Variants in SLC25A12 observed in about 807,000 individuals in gnomAD.
SLC25A12 encodes solute carrier family 25 member 12.
A neutral mutation model predicts 83.3 loss-of-function variants in SLC25A12; 32 were observed. The observed-to-expected ratio is 0.38, with a 90% CI of 0.29 to 0.52. SLC25A12 has a LOEUF of 0.52. Among genes scored for constraint, SLC25A12 ranks in the 20% least tolerant of loss-of-function variants. SLC25A12 has a pLI of 0.84. For synonymous variants in SLC25A12, 267 were observed against 291.1 expected, an observed-to-expected ratio of 0.92 and a Z score of 0.84; for missense variants, 611 against 835.6, an observed-to-expected ratio of 0.73 and a Z score of 3.31.
intron 17 of SLC25A12, among the ~76,000 whole-genome samples, chr2:171,785,912 G>T (rs534869943): frequency 1.3e-5 from 2 of 152,010 alleles, no homozygotes; most frequent in East Asian, 1.9e-4. Context: ...TGGGAGGTGT[G>T]AGCCACCACA....
intron 2 of SLC25A12, among the ~76,000 whole-genome samples, chr2:171,878,611 CA>C (rs1316641745): frequency 6.6e-6 from 1 of 152,118 alleles, no homozygotes; most frequent in African/African-American, 2.4e-5. Context: ...GTCTAACCAA[CA>C]TGTGGCTGTA....
intron 5 of SLC25A12, among the ~76,000 whole-genome samples, chr2:171,843,863 C>T (rs1684735898): frequency 6.8e-6 from 1 of 146,384 alleles, no homozygotes; most frequent in Non-Finnish European, 1.5e-5. Flanking sequence ...TGGTGTGATC[C>T]CAGCTCACTG....
At position 171,856,020 on chromosome 2, in the gene SLC25A12, C is replaced by A. The variant is rs1454118960; in HGVS notation, c.210-71G>T. ...GCATCAGGCATTTAATCTGCCTTTA[C>A]TATATAAACTGTAGCTCAGGGTAAC... On this transcript the variant is annotated intron_variant, in intron 3 of 17. Coordinates refer to ENST00000422440, the MANE Select transcript of SLC25A12 (RefSeq NM_003705.5). The A allele has an allele frequency of 4.7e-6, 4 of 856,952 alleles. No individual in the cohort carries two copies. In the East Asian group the frequency reaches 9.6e-5, roughly 21 times the overall value. The allele number at this position is 856,952 out of a possible 1,614,324, so 53.1% of individuals were successfully genotyped here.
At chr2:171,874,347 G>A (rs534474294) in intron 2 of SLC25A12, among the ~76,000 whole-genome samples, 84 of 152,296 alleles carry the variant, frequency 5.5e-4, no homozygotes, top group African/African-American at 1.9e-3. Flanking sequence ...AGCCGAGATT[G>A]CACCAATGCA....
At chr2:171,791,871 G>C (rs2176464) in intron 14 of SLC25A12, among the ~76,000 whole-genome samples, 1 of 152,106 alleles carries the variant, frequency 6.6e-6, no homozygotes, top group African/African-American at 2.4e-5. Context: ...TGAAAACTAA[G>C]AACTTTCTGG....
intron 2 of SLC25A12, among the ~76,000 whole-genome samples, chr2:171,889,746 T>C (rs976794748): frequency 6.6e-6 from 1 of 152,184 alleles, no homozygotes; most frequent in Admixed American, 6.5e-5. Context: ...CATTTCAATA[T>C]CCTACCAGTA....
intron 11 of SLC25A12, 105 bp from the exon 12 acceptor site, chr2:171,810,381 C>T (rs932848501): frequency 2.8e-5 from 25 of 895,850 alleles, no homozygotes; most frequent in Admixed American, 1.0e-4. Flanking sequence ...TCAAACATTG[C>T]AGAGTTTTCA....
chr2:171,883,366 CA>C (rs1685737268), intron 2 of SLC25A12, among the ~76,000 whole-genome samples: 1 of 152,142 alleles, frequency 6.6e-6, no homozygotes, highest in Non-Finnish European at 1.5e-5. Flanking sequence ...CACCTGAGCT[CA>C]AAAGGTTTCA....
chr2:171,809,548 G>T, intron 13 of SLC25A12, 58 bp downstream of exon 13: 2 of 1,283,066 alleles, frequency 1.6e-6, no homozygotes, highest in Non-Finnish European at 2.3e-6. Context: ...TATTATATCT[G>T]TGCAAAAAGG....
chr2:171,803,215 G>A (rs1683748511), intron 13 of SLC25A12, among the ~76,000 whole-genome samples: 1 of 150,906 alleles, frequency 6.6e-6, no homozygotes, highest in South Asian at 2.1e-4. Flanking sequence ...GAAAAAAGGA[G>A]GCATACATAT....
chr2:171,843,460 C>T (rs556449051), intron 5 of SLC25A12, among the ~76,000 whole-genome samples: 4 of 151,856 alleles, frequency 2.6e-5, no homozygotes, highest in Non-Finnish European at 5.9e-5. Flanking sequence ...TGGCAAAACC[C>T]CACCTCTACT....
At chr2:171,885,666 T>C (rs1251744818) in intron 2 of SLC25A12, among the ~76,000 whole-genome samples, 2 of 113,412 alleles carry the variant, frequency 1.8e-5, no homozygotes, top group African/African-American at 3.0e-5. Flanking sequence ...AGTAAAACTC[T>C]GTCTCAATAA....
At chr2:171,816,793 T>C (rs1684058296) in intron 9 of SLC25A12, among the ~76,000 whole-genome samples, 1 of 152,214 alleles carries the variant, frequency 6.6e-6, no homozygotes, top group African/African-American at 2.4e-5. Context: ...ATATACACAA[T>C]CTGTCCTTTC....
chr2:171,814,691 T>C lies in SLC25A12; in HGVS notation c.1012+430A>G, dbSNP rs574700717. Among the ~76,000 whole-genome samples, 26 of 137,276 alleles carry C rather than the reference T, an allele frequency of 1.9e-4. No individual in the cohort carries two copies. The South Asian group carries it at 3.9e-3, about 21-fold the overall frequency. The allele number at this position is 137,276 out of a possible 152,430, so 90.1% of individuals were successfully genotyped here. A position where few individuals can be genotyped will look rare whatever the true frequency, so the allele number is the denominator to read the frequency against. On this transcript the variant is annotated intron_variant, in intron 10 of 17. Coordinates refer to ENST00000422440, the MANE Select transcript of SLC25A12 (RefSeq NM_003705.5). Reference sequence around the variant, plus strand: ...CCAGTGTCTGTTGTTTCCTTCTTTGTGTTCATAATAAGCTCCTATTTAGTT... The same window carrying C: ...CCAGTGTCTGTTGTTTCCTTCTTTGCGTTCATAATAAGCTCCTATTTAGTT...
chr2:171,869,730 G>A (rs1004649432), intron 2 of SLC25A12, among the ~76,000 whole-genome samples: 1 of 152,168 alleles, frequency 6.6e-6, no homozygotes, highest in African/African-American at 2.4e-5. Flanking sequence ...AGTTGCATCA[G>A]ATTGATTGTT....
intron 2 of SLC25A12, among the ~76,000 whole-genome samples, chr2:171,890,500 TG>T (rs1685908691): frequency 1.3e-5 from 2 of 152,012 alleles, no homozygotes; most frequent in Admixed American, 1.3e-4. Flanking sequence ...TGTGTGTGTG[TG>T]TAACAAGGTC....
At chr2:171,787,540 T>C in intron 17 of SLC25A12, 31 bp downstream of exon 17, 1 of 1,517,080 alleles carries the variant, frequency 6.6e-7, no homozygotes, top group Non-Finnish European at 9.2e-7. Context: ...CTTAGTGATT[T>C]CTTTGTAAAG....
chr2:171,851,036 G>T (rs921295048), intron 4 of SLC25A12, among the ~76,000 whole-genome samples: 6 of 152,204 alleles, frequency 3.9e-5, no homozygotes, highest in African/African-American at 1.4e-4. Flanking sequence ...AGAGGGTGAG[G>T]ATGTGTCCTT....
At chr2:171,858,254 T>C (rs895018339) in intron 3 of SLC25A12, among the ~76,000 whole-genome samples, 1 of 152,234 alleles carries the variant, frequency 6.6e-6, no homozygotes, top group Non-Finnish European at 1.5e-5. Context: ...TTAATTACTC[T>C]ATATATTTCA....
Sources: gnomAD v4.1 joint callset for allele counts (sites outside exome capture counted in the v4.1 genomes callset) on GRCh38, gnomAD v4.1.1 for gene constraint, MANE v1.5 for transcripts, NCBI Gene and HGNC (gene_info 2026-07-23, HGNC 2026-07-21) for gene names.